The following BIRC6 variants were observed in gnomAD, a reference collection of about 807,000 sequenced individuals.
BIRC6 encodes the protein baculoviral IAP repeat containing 6.
A neutral mutation model predicts 503.3 loss-of-function variants in BIRC6; 98 were observed. That is an observed-to-expected ratio of 0.19 (90% CI 0.17 to 0.23). The LOEUF (loss-of-function observed/expected upper bound fraction) is 0.23, where lower values mean the gene tolerates loss of function less well. Among genes scored for constraint, BIRC6 ranks in the 10% least tolerant of loss-of-function variants. The pLI is 1.00. For synonymous variants in BIRC6, 2,240 were observed against 2,078.7 expected (o/e 1.08, Z -2.11); for missense variants, 5,360 against 5,806.0 (o/e 0.92, Z 2.50).
intron 66 of BIRC6, among the ~76,000 whole-genome samples, chr2:32,586,182 C>A (rs2061007110): frequency 6.6e-6 from 1 of 151,742 alleles, no homozygotes; most frequent in Non-Finnish European, 1.5e-5. Context: ...TAAATTTAAG[C>A]CTTAATTGGT....
intron 6 of BIRC6, among the ~76,000 whole-genome samples, chr2:32,399,521 T>C (rs2040368682): frequency 6.6e-6 from 1 of 152,238 alleles, no homozygotes; most frequent in African/African-American, 2.4e-5. Context: ...GCCTCCTGAC[T>C]AACTGGGACT....
rs928186380 is a variant in BIRC6 at position 32,491,687 on chromosome 2, AG to A, written c.8340+131del. ...CTTTTATGTATCAATATAATAAAAAAGGTTTTGTTATTTGTAATAATAGCTA... is the reference window on the plus strand; with the variant it reads ...CTTTTATGTATCAATATAATAAAAAAGTTTTGTTATTTGTAATAATAGCTA... On this transcript the variant is annotated intron_variant, in intron 44 of 73. Coordinates refer to ENST00000421745, the MANE Select transcript of BIRC6 (RefSeq NM_016252.4). 6 of 1,036,074 alleles carry A rather than the reference AG, an allele frequency of 5.8e-6. No homozygotes were observed. In the Admixed American group the frequency reaches 8.3e-5, roughly 14 times the overall value. 64.2% of individuals were successfully genotyped at this position (1,036,074 alleles called of 1,614,324 possible).
intron 59 of BIRC6, among the ~76,000 whole-genome samples, chr2:32,526,034 A>C (rs1290893867): frequency 6.6e-6 from 1 of 152,148 alleles, no homozygotes; most frequent in Non-Finnish European, 1.5e-5. Context: ...AAACACATTT[A>C]TTGAGCACCA....
chr2:32,483,614 A>T (rs765402020), intron 39 of BIRC6, among the ~76,000 whole-genome samples: 1 of 152,216 alleles, frequency 6.6e-6, no homozygotes, highest in African/African-American at 2.4e-5. Context: ...CATTGCATTT[A>T]ATCGTCACGT....
chr2:32,502,750 T>A lies in BIRC6; in HGVS notation c.9208-45T>A, dbSNP rs571885423. On this transcript the variant is annotated intron_variant, in intron 47 of 73. Transcript: ENST00000421745. ...TACATGCATTGAGTTTAGTTCTTAT[T>A]CACAGGAATATATAAAGTCATAATA... 1.6e-4 allele frequency: 235 copies of A among 1,442,850 alleles called. 2 individuals are homozygous for A. In the South Asian group the frequency reaches 2.8e-3, roughly 17 times the overall value. 89.4% of individuals were successfully genotyped at this position (1,442,850 alleles called of 1,614,324 possible). A position where few individuals can be genotyped will look rare whatever the true frequency, so the allele number is the denominator to read the frequency against.
intron 1 of BIRC6, among the ~76,000 whole-genome samples, chr2:32,376,989 CT>C (rs1167655651): frequency 4.6e-5 from 7 of 152,102 alleles, no homozygotes; most frequent in Non-Finnish European, 1.0e-4. Context: ...AGGGGCACTG[CT>C]GTATCTAATA....
At chr2:32,523,866 C>T (rs904215445) in intron 57 of BIRC6, among the ~76,000 whole-genome samples, 1 of 152,042 alleles carries the variant, frequency 6.6e-6, no homozygotes, top group Non-Finnish European at 1.5e-5. Flanking sequence ...ACAGTCTGCA[C>T]AACATGGCGA....
At chr2:32,587,632 G>A (rs111759209) in intron 66 of BIRC6, among the ~76,000 whole-genome samples, 8,934 of 152,248 alleles carry the variant, frequency 0.059, 340 homozygotes, top group Middle Eastern at 0.092. Context: ...GCTGAGGCAT[G>A]AGAATCGCTT....
chr2:32,439,103 G>A (rs1261905469), intron 15 of BIRC6, among the ~76,000 whole-genome samples: 4 of 152,062 alleles, frequency 2.6e-5, no homozygotes, highest in Non-Finnish European at 4.4e-5. Context: ...ATGGATGTGT[G>A]TACATGTATG....
At chr2:32,373,996 A>T (rs2036350724) in intron 1 of BIRC6, among the ~76,000 whole-genome samples, 1 of 152,214 alleles carries the variant, frequency 6.6e-6, no homozygotes, top group South Asian at 2.1e-4. Context: ...AGATATTTAG[A>T]GTAGTCGAAT....
At chr2:32,612,533 TCAAA>T (rs988913302) in intron 73 of BIRC6, among the ~76,000 whole-genome samples, 19 of 152,072 alleles carry the variant, frequency 1.2e-4, no homozygotes, top group African/African-American at 4.4e-4. Flanking sequence ...TGTCTTCACT[TCAAA>T]CAACTAGTTG....
In BIRC6 at chr2:32,415,580, A is replaced by C; in HGVS notation, c.2289A>C (p.Val763=). 1 of 1,613,948 alleles carries C rather than the reference A, an allele frequency of 6.2e-7. No homozygotes were observed. Among genetic ancestry groups the C allele is most frequent in the South Asian group, 1.1e-5 (1 of 91,086 alleles). The change falls in exon 10 of 74, where the codon GTA becomes GTC. Residue 763 remains valine, a synonymous_variant. Coordinates refer to ENST00000421745, the MANE Select transcript of BIRC6 (RefSeq NM_016252.4). ...AATCCTTGAGTGCAATAAATCAAGT[A>C]GAGGCCTTGAATAATTTAAATAAAT... ...PVESLSAINQ[V]EALNNLNKLN...
Position 32,464,669 on chromosome 2 carries a change from C to T in BIRC6, c.5102C>T (p.Thr1701Ile). 2 of 1,613,958 alleles carry T rather than the reference C, an allele frequency of 1.2e-6. No individual in the cohort carries two copies. The highest frequency in any genetic ancestry group is 1.1e-5 in the South Asian group (1 of 91,088). Residue 1701 changes from threonine to isoleucine, a missense_variant, in exon 25 of 74, where the codon ACA becomes ATA. By Grantham distance (89) the Thr-to-Ile change is moderately conservative (BLOSUM62 -1). Transcript: ENST00000421745. ...SDVIPPTPKT[T>I]PLFMTPPLTP... is the part of the protein sequence containing the mutation. ...GTTATTCCACCCACTCCAAAAACAACACCTCTTTTTATGACTCCACCACTC... is the reference window on the plus strand; with the variant it reads ...GTTATTCCACCCACTCCAAAAACAATACCTCTTTTTATGACTCCACCACTC...
intron 65 of BIRC6, chr2:32,558,905 TA>T (rs1040930677): frequency 4.6e-5 from 7 of 152,374 alleles, no homozygotes; most frequent in African/African-American, 1.7e-4. Context: ...AAATAGGCTC[TA>T]TTTTTTAGTT....
chr2:32,524,656 C>T (rs75240521), intron 57 of BIRC6: 6,275 of 196,518 alleles, frequency 0.032, 152 homozygotes, highest in African/African-American at 0.075. Flanking sequence ...TAATACTTTA[C>T]AGAGATTAGA....
intron 69 of BIRC6, among the ~76,000 whole-genome samples, chr2:32,599,477 A>T (rs1312275469): frequency 6.6e-6 from 1 of 151,870 alleles, no homozygotes; most frequent in Admixed American, 6.6e-5. Flanking sequence ...GTCTCTACTA[A>T]AAATACAAAA....
intron 1 of BIRC6, among the ~76,000 whole-genome samples, chr2:32,374,694 G>C (rs532887493): frequency 5.9e-5 from 9 of 151,910 alleles, no homozygotes; most frequent in African/African-American, 2.2e-4. Context: ...GGATGGTCTC[G>C]ATCTCCTGAC....
chr2:32,485,790 C>T (rs1256498494), intron 40 of BIRC6, 31 bp downstream of exon 40: 4 of 1,362,238 alleles, frequency 2.9e-6, no homozygotes, highest in African/African-American at 1.4e-5. Flanking sequence ...TAGAGTATTG[C>T]AGTGAATGAT....
At chr2:32,513,496 G>A (rs1183289192) in intron 54 of BIRC6, among the ~76,000 whole-genome samples, 3 of 152,164 alleles carry the variant, frequency 2.0e-5, no homozygotes, top group Non-Finnish European at 4.4e-5. Context: ...AACTTTGGGG[G>A]TGGGCATGGT....
Sources: gnomAD v4.1 joint callset for allele counts (sites outside exome capture counted in the v4.1 genomes callset) on GRCh38, gnomAD v4.1.1 for gene constraint, MANE v1.5 for transcripts, NCBI Gene and HGNC (gene_info 2026-07-23, HGNC 2026-07-21) for gene names.